The following NKAIN2 variants were observed in gnomAD, a reference collection of about 807,000 sequenced individuals.
The protein encoded by NKAIN2 is sodium/potassium-transporting ATPase subunit beta-1-interacting protein 2.
A neutral mutation model predicts 32.6 loss-of-function variants in NKAIN2; 14 were observed. That is an observed-to-expected ratio of 0.43 (90% CI 0.28 to 0.67). The LOEUF (loss-of-function observed/expected upper bound fraction) is 0.67, where lower values mean the gene tolerates loss of function less well. Ranked by LOEUF, NKAIN2 falls within the 30% of genes least tolerant of loss-of-function variation. NKAIN2 has a pLI of 0.17. For missense variants in NKAIN2, 198 were observed against 258.3 expected (o/e 0.77, Z 1.60); for synonymous variants, 80 against 87.2 (o/e 0.92, Z 0.46).
intron 3 of NKAIN2, among the ~76,000 whole-genome samples, chr6:124,494,781 T>G (rs9401748): frequency 0.02 from 3,108 of 152,202 alleles, 115 homozygotes; most frequent in East Asian, 0.13. Context: ...CTATTTATTT[T>G]TATTAGTGGT....
chr6:124,656,071 T>A (rs1263098750), intron 3 of NKAIN2, among the ~76,000 whole-genome samples: 2 of 152,198 alleles, frequency 1.3e-5, no homozygotes, highest in African/African-American at 4.8e-5. Flanking sequence ...CCTGGGGATT[T>A]ATCCAGTTTG....
chr6:124,789,049 C>T (rs1048591032), intron 4 of NKAIN2, among the ~76,000 whole-genome samples: 2 of 151,780 alleles, frequency 1.3e-5, no homozygotes. Context: ...AAGGAGCTCC[C>T]CAGATAGTTA....
chr6:124,166,642 T>C (rs1456617472), intron 1 of NKAIN2, among the ~76,000 whole-genome samples: 2 of 152,026 alleles, frequency 1.3e-5, no homozygotes, highest in East Asian at 1.9e-4. Flanking sequence ...AGGGTTTTTA[T>C]GGTTTTAGGT....
At chr6:124,603,738 A>G (rs1176320036) in intron 3 of NKAIN2, among the ~76,000 whole-genome samples, 1 of 151,958 alleles carries the variant, frequency 6.6e-6, no homozygotes, top group Admixed American at 6.6e-5. Context: ...AAGGGACAAG[A>G]AAGTGGGAAA....
chr6:123,898,495 T>G (rs969438078), intron 1 of NKAIN2, among the ~76,000 whole-genome samples: 1 of 151,828 alleles, frequency 6.6e-6, no homozygotes, highest in Non-Finnish European at 1.5e-5. Flanking sequence ...ACTGATTCAT[T>G]AATCAACATT....
At chr6:124,456,702 T>G (rs1035264905) in intron 3 of NKAIN2, among the ~76,000 whole-genome samples, 7 of 152,084 alleles carry the variant, frequency 4.6e-5, no homozygotes, top group South Asian at 2.1e-4. Flanking sequence ...TTTGACTCCG[T>G]GAACATTTTC....
chr6:123,904,120 A>G (rs1774738836), intron 1 of NKAIN2, among the ~76,000 whole-genome samples: 1 of 152,058 alleles, frequency 6.6e-6, no homozygotes, highest in Non-Finnish European at 1.5e-5. Flanking sequence ...AATCTCAGCT[A>G]CTTGGGAGAC....
At chr6:124,003,186 G>C (rs1010445635) in intron 1 of NKAIN2, among the ~76,000 whole-genome samples, 1 of 152,188 alleles carries the variant, frequency 6.6e-6, no homozygotes, top group Non-Finnish European at 1.5e-5. Flanking sequence ...TCATCTACCA[G>C]AAAGTGGTAA....
chr6:124,609,371 A>ATATTTAGAT (rs1782607603), intron 3 of NKAIN2, among the ~76,000 whole-genome samples: 1 of 152,088 alleles, frequency 6.6e-6, no homozygotes, highest in Non-Finnish European at 1.5e-5. Flanking sequence ...TTCATCACTC[A>ATATTTAGAT]CCCTGGAATT....
At chr6:123,941,992 T>C (rs1776848525) in intron 1 of NKAIN2, among the ~76,000 whole-genome samples, 1 of 151,974 alleles carries the variant, frequency 6.6e-6, no homozygotes, top group Non-Finnish European at 1.5e-5. Flanking sequence ...AGCTGTAAAA[T>C]AGCTAGTATG....
At chr6:124,440,924 T>G (rs767802780) in intron 3 of NKAIN2, among the ~76,000 whole-genome samples, 6 of 152,114 alleles carry the variant, frequency 3.9e-5, no homozygotes, top group Non-Finnish European at 8.8e-5. Context: ...ATTCCTACTT[T>G]GACTCCATAG....
intron 1 of NKAIN2, among the ~76,000 whole-genome samples, chr6:123,893,445 A>C (rs2114382484): frequency 6.6e-6 from 1 of 152,308 alleles, no homozygotes; most frequent in Admixed American, 6.5e-5. Context: ...GGCCTCAAGC[A>C]ATCCTTCATC....
intron 2 of NKAIN2, among the ~76,000 whole-genome samples, chr6:124,329,407 A>G (rs1187478112): frequency 1.3e-5 from 2 of 152,218 alleles, no homozygotes; most frequent in African/African-American, 4.8e-5. Flanking sequence ...ATTTAAAGTA[A>G]CTGGGTGGCA....
intron 1 of NKAIN2, among the ~76,000 whole-genome samples, chr6:124,179,356 A>T (rs1274357111): frequency 6.6e-6 from 1 of 152,180 alleles, no homozygotes; most frequent in African/African-American, 2.4e-5. Flanking sequence ...GTAGTGAAGG[A>T]TTTGCAATCA....
chr6:124,759,697 T>A (rs1778166122), intron 4 of NKAIN2, among the ~76,000 whole-genome samples: 1 of 147,804 alleles, frequency 6.8e-6, no homozygotes, highest in East Asian at 2.1e-4. Flanking sequence ...TCCGTCACAC[T>A]TATCACTAAT....
intron 4 of NKAIN2, among the ~76,000 whole-genome samples, chr6:124,710,085 T>G (rs1373940487): frequency 6.6e-6 from 1 of 151,802 alleles, no homozygotes; most frequent in Admixed American, 6.6e-5. Flanking sequence ...CATTTTGTTA[T>G]GTACCCAGTA....
intron 3 of NKAIN2, among the ~76,000 whole-genome samples, chr6:124,478,220 G>A (rs886996613): frequency 6.6e-6 from 1 of 152,158 alleles, no homozygotes; most frequent in Non-Finnish European, 1.5e-5. Context: ...TAAGGAAAGT[G>A]CTCTGAAAAG....
At chr6:123,924,544 T>A (rs9491001) in intron 1 of NKAIN2, among the ~76,000 whole-genome samples, 1,778 of 152,290 alleles carry the variant, frequency 0.012, 28 homozygotes, top group African/African-American at 0.04. Context: ...GGAATTTGTA[T>A]TCTTCTGCAG....
chr6:124,431,957 T>C (rs1416612694), intron 3 of NKAIN2, among the ~76,000 whole-genome samples: 1 of 152,208 alleles, frequency 6.6e-6, no homozygotes, highest in African/African-American at 2.4e-5. Context: ...CCAGAATCGT[T>C]GTTCAGAAAG....
Sources: allele counts gnomAD v4.1 joint callset (sites outside exome capture counted in the v4.1 genomes callset), GRCh38; gene constraint gnomAD v4.1.1; transcripts MANE v1.5; gene names NCBI Gene and HGNC (gene_info 2026-07-23, HGNC 2026-07-21).